Variants in URI1 observed in about 807,000 individuals in gnomAD.
URI1 encodes unconventional prefoldin RPB5 interactor 1.
A neutral mutation model predicts 60.2 loss-of-function variants in URI1; 39 were observed. The ratio of observed to expected loss-of-function variants is 0.65; its 90% CI spans 0.50 to 0.85. The LOEUF is 0.85. Among genes scored for constraint, URI1 ranks in the 40% least tolerant of loss-of-function variants. The probability of loss-of-function intolerance (pLI) is 0.00; values close to 1 mark genes in which losing one functional copy is unlikely to be tolerated. For synonymous variants in URI1, 251 were observed against 236.8 expected, an observed-to-expected ratio of 1.06 and a Z score of -0.55; for missense variants, 691 against 665.9, an observed-to-expected ratio of 1.04 and a Z score of -0.42.
intron 1 of URI1, among the ~76,000 whole-genome samples, chr19:29,934,501 T>A (rs1568402714): frequency 1.3e-5 from 2 of 152,068 alleles, no homozygotes; most frequent in Non-Finnish European, 2.9e-5. Context: ...TCCCACGTGG[T>A]TTTTCTTATG....
At chr19:29,994,197 C>CTA (rs1213459256) in intron 4 of URI1, among the ~76,000 whole-genome samples, 1 of 152,114 alleles carries the variant, frequency 6.6e-6, no homozygotes, top group Non-Finnish European at 1.5e-5. Flanking sequence ...ACTGACTACA[C>CTA]CTTTGCCAAC....
chr19:29,949,855 C>T (rs946839748), intron 1 of URI1, among the ~76,000 whole-genome samples: 7 of 151,078 alleles, frequency 4.6e-5, no homozygotes, highest in Non-Finnish European at 1.0e-4. Context: ...GCCGAGATGG[C>T]GGCAGTACAG....
chr19:29,951,672 A>G (rs952905123), intron 1 of URI1, among the ~76,000 whole-genome samples: 5 of 151,110 alleles, frequency 3.3e-5, no homozygotes, highest in African/African-American at 1.2e-4. Flanking sequence ...TCAGCCTCCC[A>G]AGTAGCTGGG....
chr19:29,970,375 A>G (rs1309370474), intron 1 of URI1, among the ~76,000 whole-genome samples: 2 of 152,020 alleles, frequency 1.3e-5, no homozygotes, highest in East Asian at 3.8e-4. Context: ...TAGGTAATTT[A>G]AAAGTAGATA....
chr19:29,963,021 C>T (rs376448731), intron 1 of URI1, among the ~76,000 whole-genome samples: 54 of 152,268 alleles, frequency 3.5e-4, no homozygotes, highest in African/African-American at 1.0e-3. Context: ...GTGCCTCCTC[C>T]GCCTACCCCC....
intron 1 of URI1, among the ~76,000 whole-genome samples, chr19:29,950,058 T>G (rs1186101564): frequency 1.3e-5 from 2 of 152,258 alleles, no homozygotes; most frequent in Admixed American, 1.3e-4. Flanking sequence ...AACTCATTAC[T>G]TGTAAGTTTT....
chr19:29,967,542 G>A (rs2055405519), intron 1 of URI1, among the ~76,000 whole-genome samples: 1 of 152,216 alleles, frequency 6.6e-6, no homozygotes, highest in South Asian at 2.1e-4. Context: ...TAGTGAATTG[G>A]TGAACTTAAG....
At chr19:30,000,402 G>C (rs2055863640) in intron 4 of URI1, among the ~76,000 whole-genome samples, 1 of 151,622 alleles carries the variant, frequency 6.6e-6, no homozygotes, top group South Asian at 2.1e-4. Flanking sequence ...CCTTTTTTCA[G>C]GTTCTATTTA....
intron 4 of URI1, among the ~76,000 whole-genome samples, chr19:29,994,722 A>T (rs2055789834): frequency 1.3e-5 from 2 of 151,908 alleles, no homozygotes; most frequent in Admixed American, 1.3e-4. Context: ...TCCCTGCTTT[A>T]AATTATTTGG....
At chr19:29,931,883 C>T (rs954161707) in intron 1 of URI1, among the ~76,000 whole-genome samples, 5 of 143,826 alleles carry the variant, frequency 3.5e-5, no homozygotes, top group African/African-American at 1.3e-4. Flanking sequence ...TATCCTGCAG[C>T]TTTGCTGAAT....
At chr19:29,958,954 T>G (rs1052821623) in intron 1 of URI1, among the ~76,000 whole-genome samples, 3 of 46,730 alleles carry the variant, frequency 6.4e-5, no homozygotes, top group African/African-American at 1.5e-4. Flanking sequence ...AGACTCCGTC[T>G]CAAAAAAAAA....
chr19:29,982,476 T>G (rs1346404027), intron 2 of URI1, among the ~76,000 whole-genome samples: 1 of 152,218 alleles, frequency 6.6e-6, no homozygotes, highest in Non-Finnish European at 1.5e-5. Context: ...AATACTAGCT[T>G]CTTAATATTC....
intron 6 of URI1, among the ~76,000 whole-genome samples, 162 bp downstream of exon 6, chr19:30,005,870 A>G (rs1217653415): frequency 6.6e-6 from 1 of 152,094 alleles, no homozygotes; most frequent in Non-Finnish European, 1.5e-5. Context: ...TGAAACATTA[A>G]TGGATAAATA....
chr19:29,942,052 A>G (rs906932466), upstream of URI1, among the ~76,000 whole-genome samples: 2 of 150,994 alleles, frequency 1.3e-5, no homozygotes, highest in African/African-American at 4.9e-5. Flanking sequence ...AAAAAAAAAA[A>G]GAAAGAAATA....
At chr19:29,968,001 A>C (rs929370217) in intron 1 of URI1, among the ~76,000 whole-genome samples, 1 of 152,242 alleles carries the variant, frequency 6.6e-6, no homozygotes, top group African/African-American at 2.4e-5. Context: ...AATGGATACC[A>C]TATGACTTTG....
At chr19:30,003,053 G>A (rs899092490) in intron 4 of URI1, among the ~76,000 whole-genome samples, 1 of 151,934 alleles carries the variant, frequency 6.6e-6, no homozygotes, top group Non-Finnish European at 1.5e-5. Context: ...AAATGTAATA[G>A]CATGGTTTCT....
intron 1 of URI1, among the ~76,000 whole-genome samples, chr19:29,929,673 A>G (rs1394765343): frequency 6.6e-6 from 1 of 152,140 alleles, no homozygotes; most frequent in African/African-American, 2.4e-5. Context: ...TGTCATTGTG[A>G]TTCAGATTTG....
At chr19:29,973,629 A>T (rs1218590206) in intron 2 of URI1, among the ~76,000 whole-genome samples, 1 of 152,160 alleles carries the variant, frequency 6.6e-6, no homozygotes, top group Non-Finnish European at 1.5e-5. Context: ...TTAAAAAAAA[A>T]TGTAGGACAG....
intron 2 of URI1, among the ~76,000 whole-genome samples, chr19:29,972,490 G>A (rs562597240): frequency 2.0e-5 from 3 of 152,164 alleles, no homozygotes; most frequent in East Asian, 3.9e-4. Flanking sequence ...CTGTCTATTG[G>A]TTTTGGTAAG....
Sources: allele counts gnomAD v4.1 joint callset (sites outside exome capture counted in the v4.1 genomes callset), GRCh38; gene constraint gnomAD v4.1.1; transcripts MANE v1.5; gene names NCBI Gene and HGNC (gene_info 2026-07-23, HGNC 2026-07-21).